Variants in GSPT1 observed in about 807,000 individuals in gnomAD.
The protein encoded by GSPT1 is G1 to S phase transition 1, also known as eukaryotic peptide chain release factor GTP-binding subunit ERF3A.
In GSPT1, 20 loss-of-function variants were observed where a neutral mutation model predicts 72.5. That is an observed-to-expected ratio of 0.28 (90% CI 0.19 to 0.40). The LOEUF (loss-of-function observed/expected upper bound fraction) is 0.40, where lower values mean the gene tolerates loss of function less well. Ranked by LOEUF, GSPT1 falls within the 10% of genes least tolerant of loss-of-function variation. The pLI is 1.00. For missense variants in GSPT1, 580 were observed against 811.9 expected (o/e 0.71, Z 3.47); for synonymous variants, 334 against 293.5 (o/e 1.14, Z -1.41).
In GSPT1 at chr16:11,869,201, C is replaced by T. The variant is rs1010698431; in HGVS notation, c.*3918G>A. ...AAAATAAAAACACTTCCTATTCTTT[C>T]TATTCCTATTCATTTACTATGAAAC... On this transcript the variant is annotated 3_prime_UTR_variant, in exon 15 of 15. Transcript: ENST00000434724. The T allele has an allele frequency of 1.3e-5, 2 of 152,338 alleles. No homozygotes were observed. The highest frequency in any genetic ancestry group is 6.8e-3 in the Middle Eastern group (2 of 294). The allele number at this position is 152,338 out of a possible 1,614,324, so 9.4% of individuals were successfully genotyped here.
chr16:11,906,502 C>T (rs1329381663), intron 1 of GSPT1, among the ~76,000 whole-genome samples: 1 of 152,106 alleles, frequency 6.6e-6, no homozygotes, highest in Non-Finnish European at 1.5e-5. Context: ...GGCGTGGAGG[C>T]ATACAACTGT....
At chr16:11,881,917 C>T (rs1015429053) in intron 11 of GSPT1, 2 of 152,198 alleles carry the variant, frequency 1.3e-5, no homozygotes, top group Non-Finnish European at 2.9e-5. Flanking sequence ...CCTCAAACTT[C>T]GAAAGTGCTA....
chr16:11,915,205 A>C, intron 1 of GSPT1, 164 bp downstream of exon 1: 24 of 1,073,622 alleles, frequency 2.2e-5, no homozygotes, highest in Admixed American at 1.6e-4. Context: ...CCGCCCCGCG[A>C]AGGCCGGCTC....
intron 1 of GSPT1, among the ~76,000 whole-genome samples, chr16:11,913,038 A>AT (rs1404828249): frequency 6.6e-6 from 1 of 152,206 alleles, no homozygotes; most frequent in Admixed American, 6.5e-5. Context: ...TAAAGAACAG[A>AT]ACATGCTAGC....
chr16:11,904,444 C>T (rs374074631), intron 1 of GSPT1, among the ~76,000 whole-genome samples: 8 of 152,054 alleles, frequency 5.3e-5, no homozygotes, highest in South Asian at 2.1e-4. Context: ...CCTTGTGATC[C>T]GCCCGCCTTG....
At chr16:11,913,492 C>G (rs1015222014) in intron 1 of GSPT1, among the ~76,000 whole-genome samples, 1 of 152,164 alleles carries the variant, frequency 6.6e-6, no homozygotes. Flanking sequence ...TACAAATTAG[C>G]AACTATCAGG....
At chr16:11,895,861 G>C (rs559672407) in intron 4 of GSPT1, among the ~76,000 whole-genome samples, 1 of 152,164 alleles carries the variant, frequency 6.6e-6, no homozygotes. Context: ...TCCTGACCTC[G>C]TGATGTGCCC....
chr16:11,875,555 T>A (rs1338258647), intron 14 of GSPT1, among the ~76,000 whole-genome samples: 4 of 152,192 alleles, frequency 2.6e-5, no homozygotes, highest in Non-Finnish European at 5.9e-5. Context: ...ATTCTTCACG[T>A]AGAGCATTAC....
chr16:11,883,619 C>CAA (rs34315327), intron 10 of GSPT1, among the ~76,000 whole-genome samples: 1 of 138,084 alleles, frequency 7.2e-6, no homozygotes, highest in African/African-American at 2.6e-5. Context: ...GACTCTGTCT[C>CAA]AAAAAAAAAA....
chr16:11,897,977 A>G lies in GSPT1; in HGVS notation c.394+17T>C. The G allele has an allele frequency of 6.5e-7, 1 of 1,535,914 alleles. No individual in the cohort carries two copies. Among genetic ancestry groups the G allele is most frequent in the South Asian group, 1.2e-5 (1 of 84,092 alleles). ...CTAATGTTTTCTCAAGTAGACTTTCAAAGAGTACATCATTACCTTCACACA... is the reference window on the plus strand; with the variant it reads ...CTAATGTTTTCTCAAGTAGACTTTCGAAGAGTACATCATTACCTTCACACA... On this transcript the variant is annotated intron_variant, in intron 2 of 14. Coordinates refer to ENST00000434724, the MANE Select transcript of GSPT1 (RefSeq NM_002094.4).
chr16:11,907,338 T>C (rs949506861), intron 1 of GSPT1, among the ~76,000 whole-genome samples: 8 of 152,188 alleles, frequency 5.3e-5, no homozygotes, highest in African/African-American at 1.4e-4. Flanking sequence ...ACTCCTCTCA[T>C]GGATATGACT....
Position 11,915,895 on chromosome 16 carries a change from C to G in GSPT1, c.-175G>C. The stretch of plus-strand genomic sequence containing the variant: ...CAGCAGCTCCAGTCCCGACTCCACA[C>G]TCGCGACGACGACAGAGGCGGCGGC... On this transcript the variant is annotated 5_prime_UTR_variant, in exon 1 of 15. Transcript: ENST00000434724. The G allele has an allele frequency of 1.1e-6, 1 of 920,322 alleles. No individual in the cohort carries two copies. The highest frequency in any genetic ancestry group is 1.8e-6 in the Non-Finnish European group (1 of 567,286). 57.0% of individuals were successfully genotyped at this position (920,322 alleles called of 1,614,324 possible). A position where few individuals can be genotyped will look rare whatever the true frequency, so the allele number is the denominator to read the frequency against.
chr16:11,877,453 C>G lies in GSPT1; in HGVS notation c.1556G>C (p.Cys519Ser). Residue 519 changes from cysteine (C) to serine (S), a missense_variant, in exon 12 of 15, where the codon TGT becomes TCT. Around this residue, in one of 6 missense-constraint regions of GSPT1, gnomAD observed 120 missense variants for 242.5 expected, o/e 0.49. Coordinates refer to ENST00000434724, the MANE Select transcript of GSPT1 (RefSeq NM_002094.4). This position sits in a 1 kb window ranked among gnomAD's most constrained non-coding sequence, Gnocchi z 4.0. ...EEEILPGFIL[C>S]DPNNLCHSGR... is the part of the protein sequence containing the mutation. The stretch of plus-strand genomic sequence containing the variant: ...AGAATGACAAAGATTATTAGGATCA[C>G]AAAGTATAAACCCTGGAAGAATCTC... 1 of 1,603,268 alleles carries G rather than the reference C, an allele frequency of 6.2e-7. No individual in the cohort carries two copies. The highest frequency in any genetic ancestry group is 8.5e-7 in the Non-Finnish European group (1 of 1,176,672).
At chr16:11,887,526 G>C (rs1164788689) in intron 7 of GSPT1, 44 bp downstream of exon 7, 1 of 1,466,860 alleles carries the variant, frequency 6.8e-7, no homozygotes, top group South Asian at 1.2e-5. Flanking sequence ...ATATAAGCGG[G>C]GCTACTAACA....
chr16:11,915,934 CCCT>C lies in GSPT1; in HGVS notation c.-217_-215del, dbSNP rs2054632308. On this transcript the variant is annotated 5_prime_UTR_variant, in exon 1 of 15. Coordinates refer to ENST00000434724, the MANE Select transcript of GSPT1 (RefSeq NM_002094.4). ...AGAGGCGGCGGCGGCGGCAGCTCAA[CCCT>C]CCTCCTCGTGTGTGTGAGCGGATCT... 1.3e-6 allele frequency: 1 copy of C among 755,040 alleles called. No individual in the cohort carries two copies. Among genetic ancestry groups the C allele is most frequent in the Admixed American group, 1.7e-5 (1 of 57,876 alleles). The allele number at this position is 755,040 out of a possible 1,614,324, so 46.8% of individuals were successfully genotyped here.
At chr16:11,892,524 A>AAAAAAAATAAAT (rs1567443285) in intron 5 of GSPT1, among the ~76,000 whole-genome samples, 26 of 126,716 alleles carry the variant, frequency 2.1e-4, no homozygotes, top group African/African-American at 9.7e-4. Context: ...CAAAAAAAAC[A>AAAAAAAATAAAT]AAAAAAACAA....
At chr16:11,911,808 T>C (rs1317674037) in intron 1 of GSPT1, among the ~76,000 whole-genome samples, 3 of 139,826 alleles carry the variant, frequency 2.1e-5, no homozygotes, top group African/African-American at 7.9e-5. Flanking sequence ...CACCTCGGCC[T>C]CCCAAAGTGC....
In GSPT1 at chr16:11,886,473, G is replaced by A. The variant is rs370192885; in HGVS notation, c.1251C>T (p.Tyr417=). ...LKEQSDFCPW[Y]IGLPFIPYLD... is the part of the protein sequence containing the mutation. Reference sequence around the variant, plus strand: ...AAAAGGAAAAAACAGTTACTTACATGTACCAAGGACAGAAATCCGACTGCT... The same window carrying A: ...AAAAGGAAAAAACAGTTACTTACATATACCAAGGACAGAAATCCGACTGCT... Residue 417 remains tyrosine (Y), a splice_region_variant and synonymous_variant, in exon 9 of 15, where the codon TAC becomes TAT. Coordinates refer to ENST00000434724, the MANE Select transcript of GSPT1 (RefSeq NM_002094.4). 4 of 1,608,426 alleles carry A rather than the reference G, an allele frequency of 2.5e-6. No individual in the cohort carries two copies. Among genetic ancestry groups the A allele is most frequent in the African/African-American group, 2.7e-5 (2 of 74,852 alleles).
chr16:11,881,310 A>T (rs751855895), intron 11 of GSPT1: 1 of 152,150 alleles, frequency 6.6e-6, no homozygotes, highest in Non-Finnish European at 1.5e-5. Context: ...CTGCCTAGTG[A>T]TTAGTATCAA....
Sources: gnomAD v4.1 joint callset for allele counts (sites outside exome capture counted in the v4.1 genomes callset) on GRCh38, gnomAD v4.1.1 for gene constraint, gnomAD v4.1.1 regional missense constraint, Gnocchi (gnomAD v3.1) non-coding constraint, MANE v1.5 for transcripts, NCBI Gene and HGNC (gene_info 2026-07-23, HGNC 2026-07-21) for gene names.